TNFRSF10B: variants seen among roughly 807,000 people sequenced by gnomAD.
TNFRSF10B encodes TNF receptor superfamily member 10b, also known as tumor necrosis factor receptor superfamily member 10B.
In TNFRSF10B, 35 loss-of-function variants were observed where a neutral mutation model predicts 41.4. The ratio of observed to expected loss-of-function variants is 0.85; its 90% CI spans 0.65 to 1.12. TNFRSF10B has a LOEUF of 1.12. TNFRSF10B is among the 50% of genes most tolerant of loss of function. The pLI, the probability that TNFRSF10B is intolerant of heterozygous loss-of-function variation, is 0.00. For synonymous variants in TNFRSF10B, 230 were observed against 215.5 expected (o/e 1.07, Z -0.59); for missense variants, 584 against 552.7 (o/e 1.06, Z -0.57).
chr8:23,054,402 C>A (rs1812605807), intron 1 of TNFRSF10B, among the ~76,000 whole-genome samples: 1 of 152,174 alleles, frequency 6.6e-6, no homozygotes, highest in Non-Finnish European at 1.5e-5. Context: ...CTCCTATGAA[C>A]AAAATTTGGA....
intron 1 of TNFRSF10B, among the ~76,000 whole-genome samples, chr8:23,062,294 C>G (rs1443249363): frequency 6.6e-6 from 1 of 152,120 alleles, no homozygotes; most frequent in African/African-American, 2.4e-5. Context: ...GATCTTGGCT[C>G]ACTGCAACCT....
rs141284481 is a variant in TNFRSF10B, at chr8:23,027,244, G to C, written c.825C>G (p.Ile275Met). 2.2e-5 allele frequency: 35 copies of C among 1,613,996 alleles called. No individual in the cohort carries two copies. Among genetic ancestry groups the C allele is most frequent in the Non-Finnish European group, 2.8e-5 (33 of 1,180,024 alleles). Residue 275 changes from isoleucine to methionine, a missense_variant, in exon 7 of 9, where the codon ATC (isoleucine) becomes ATG (methionine). Transcript: ENST00000276431. ...CCTGGGTGGGCTGCAAGATACTCAC[G>C]ATCTCATTGAGGACATTGTCCTCAG... ...PGAEDNVLNEIVSILQPTQVP... is the reference protein window; with the variant it reads ...PGAEDNVLNEMVSILQPTQVP...
chr8:23,022,578 T>C lies in TNFRSF10B; in HGVS notation c.*93A>G, dbSNP rs765168115. On this transcript the variant is annotated 3_prime_UTR_variant, in exon 9 of 9. Transcript: ENST00000276431. ...TCTTCCAGTACCGGTCATGTGACAA[T>C]TGTGGCACTTTCCTACTGACTGGAG... The C allele has an allele frequency of 6.6e-6, 9 of 1,362,422 alleles. No homozygotes were observed. The African/African-American group carries it at 8.6e-5, about 13-fold the overall frequency. The allele number at this position is 1,362,422 out of a possible 1,614,324, so 84.4% of individuals were successfully genotyped here. A position where few individuals can be genotyped will look rare whatever the true frequency, so the allele number is the denominator to read the frequency against.
chr8:23,068,319 T>A, intron 1 of TNFRSF10B: 1 of 218,502 alleles, frequency 4.6e-6, no homozygotes, highest in Non-Finnish European at 9.3e-6. Context: ...CTTTAGGAAT[T>A]CATTCGAAGG....
At position 23,030,749 on chromosome 8, in the gene TNFRSF10B, T is replaced by G; in HGVS notation, c.364+10A>C. 2 of 1,605,420 alleles carry G rather than the reference T, an allele frequency of 1.2e-6. No individual in the cohort carries two copies. Among genetic ancestry groups the G allele is most frequent in the Non-Finnish European group, 1.7e-6 (2 of 1,173,990 alleles). On this transcript the variant is annotated intron_variant, in intron 3 of 8. Coordinates refer to ENST00000276431, the MANE Select transcript of TNFRSF10B (RefSeq NM_003842.5). ...TCCACCTTTAGGCATGGGGTCCATA[T>G]GTTCTGTACCTGAATCACACCTGGT...
chr8:23,065,898 G>A (rs1812966971), intron 1 of TNFRSF10B, among the ~76,000 whole-genome samples: 1 of 152,126 alleles, frequency 6.6e-6, no homozygotes, highest in South Asian at 2.1e-4. Flanking sequence ...ATATAATGGT[G>A]TTGATAGATT....
intron 2 of TNFRSF10B, among the ~76,000 whole-genome samples, chr8:23,042,132 C>T (rs144311997): frequency 2.0e-5 from 3 of 152,354 alleles, no homozygotes; most frequent in Non-Finnish European, 2.9e-5. Context: ...TTCCTATTCC[C>T]GTCCTGCTTC....
rs1811496422 is a variant in TNFRSF10B at position 23,020,863 on chromosome 8, G to A, written c.*1808C>T. ...GAAGGCCCAGCAAAGGCAAAGACCAGGAGGCAGCAGCACCCTGTGCCTTCC... is the reference window on the plus strand; with the variant it reads ...GAAGGCCCAGCAAAGGCAAAGACCAAGAGGCAGCAGCACCCTGTGCCTTCC... On this transcript the variant is annotated 3_prime_UTR_variant, in exon 9 of 9. Transcript: ENST00000276431. The A allele has an allele frequency of 2.2e-6, 1 of 454,114 alleles. No homozygotes were observed. 28.1% of individuals were successfully genotyped at this position (454,114 alleles called of 1,614,324 possible).
At chr8:23,058,380 T>C (rs1812730002) in intron 1 of TNFRSF10B, among the ~76,000 whole-genome samples, 1 of 152,236 alleles carries the variant, frequency 6.6e-6, no homozygotes, top group Admixed American at 6.5e-5. Context: ...GCCAAAATAG[T>C]TCTATAATTT....
intron 1 of TNFRSF10B, among the ~76,000 whole-genome samples, chr8:23,059,877 C>T (rs1171732864): frequency 6.6e-6 from 1 of 152,188 alleles, no homozygotes; most frequent in African/African-American, 2.4e-5. Flanking sequence ...TTTTGACCAG[C>T]AGTTCCCTAA....
intron 1 of TNFRSF10B, among the ~76,000 whole-genome samples, chr8:23,051,693 C>T (rs1404128156): frequency 4.6e-5 from 7 of 151,948 alleles, no homozygotes; most frequent in Admixed American, 1.3e-4. Context: ...TACAGTCGCC[C>T]GCCACCGCGC....
In TNFRSF10B at chr8:23,022,640, G is replaced by C; in HGVS notation, c.*31C>G. ...TTTTTCCAGAAAAAAGGTAAACCAG[G>C]GAAGGTCTGACTTCCTGAAGAGAAT... On this transcript the variant is annotated 3_prime_UTR_variant, in exon 9 of 9. Coordinates refer to ENST00000276431, the MANE Select transcript of TNFRSF10B (RefSeq NM_003842.5). 1 of 1,613,300 alleles carries C rather than the reference G, an allele frequency of 6.2e-7. No homozygotes were observed. The highest frequency in any genetic ancestry group is 8.5e-7 in the Non-Finnish European group (1 of 1,179,566).
chr8:23,040,237 TAA>T (rs1812132823), intron 2 of TNFRSF10B, among the ~76,000 whole-genome samples: 1 of 144,878 alleles, frequency 6.9e-6, no homozygotes, highest in African/African-American at 2.6e-5. Context: ...AGATATATAC[TAA>T]GTATATATTT....
intron 1 of TNFRSF10B, among the ~76,000 whole-genome samples, chr8:23,051,547 CT>C (rs57467929): frequency 0.33 from 46,580 of 140,966 alleles, 8,098 homozygotes; most frequent in East Asian, 0.64. Flanking sequence ...GTAAAATACT[CT>C]TTTTTTTTTT....
Position 23,025,447 on chromosome 8 carries a change from T to C in TNFRSF10B, c.937-1187A>G, listed in dbSNP as rs146587021. Reference sequence around the variant, plus strand: ...GGGAGGGGTACTAGAGAAAATCTTATAATTCTAAATTTTATCTAATTCTAA... The same window carrying C: ...GGGAGGGGTACTAGAGAAAATCTTACAATTCTAAATTTTATCTAATTCTAA... On this transcript the variant is annotated intron_variant, in intron 7 of 8. Transcript: ENST00000276431. Among the ~76,000 whole-genome samples the C allele has an allele frequency of 1.9e-3, 283 of 152,356 alleles. 1 individual carries two copies. Among genetic ancestry groups the C allele is most frequent in the African/African-American group, 6.2e-3 (256 of 41,596 alleles).
intron 2 of TNFRSF10B, among the ~76,000 whole-genome samples, chr8:23,037,216 T>C (rs1490369137): frequency 6.6e-6 from 1 of 152,114 alleles, no homozygotes. Context: ...AATGGGCTCA[T>C]GAACAAAGTG....
chr8:23,062,355 G>A (rs1250513459), intron 1 of TNFRSF10B, among the ~76,000 whole-genome samples: 2 of 151,996 alleles, frequency 1.3e-5, no homozygotes, highest in Non-Finnish European at 2.9e-5. Context: ...CGAGTAACTG[G>A]GATCACAGGT....
At chr8:23,066,318 T>C (rs1325573569) in intron 1 of TNFRSF10B, among the ~76,000 whole-genome samples, 1 of 151,876 alleles carries the variant, frequency 6.6e-6, no homozygotes, top group Non-Finnish European at 1.5e-5. Context: ...AGGAAATAGA[T>C]GGAAGATATT....
intron 3 of TNFRSF10B, among the ~76,000 whole-genome samples, chr8:23,030,408 G>C (rs1811844055): frequency 6.6e-6 from 1 of 152,128 alleles, no homozygotes; most frequent in Admixed American, 6.6e-5. Context: ...GGCCTCCTGG[G>C]CTCAAGAGAT....
Sources: allele counts gnomAD v4.1 joint callset (sites outside exome capture counted in the v4.1 genomes callset), GRCh38; gene constraint gnomAD v4.1.1; transcripts MANE v1.5; gene names NCBI Gene and HGNC (gene_info 2026-07-23, HGNC 2026-07-21).